ROBO1: variants seen among roughly 807,000 people sequenced by gnomAD.
The protein encoded by ROBO1 is roundabout guidance receptor 1.
In ROBO1, 149 loss-of-function variants were observed where a neutral mutation model predicts 195.9. The ratio of observed to expected loss-of-function variants is 0.76; its 90% CI spans 0.67 to 0.87. The LOEUF (loss-of-function observed/expected upper bound fraction) is 0.87. Ranked by LOEUF, ROBO1 falls within the 40% of genes least tolerant of loss-of-function variation. The pLI, the probability that ROBO1 is intolerant of heterozygous loss-of-function variation, is 0.00. For missense variants in ROBO1, 1,933 were observed against 2,068.3 expected (o/e 0.93, Z 1.27); for synonymous variants, 816 against 733.2 (o/e 1.11, Z -1.82).
At chr3:79,533,284 ATTTTC>A (rs1941731357) in intron 2 of ROBO1, among the ~76,000 whole-genome samples, 1 of 152,166 alleles carries the variant, frequency 6.6e-6, no homozygotes, top group African/African-American at 2.4e-5. Flanking sequence ...AGTACCTAGT[ATTTTC>A]TTTTGATTTA....
intron 8 of ROBO1, among the ~76,000 whole-genome samples, chr3:78,707,888 C>T (rs1372356644): frequency 1.3e-5 from 2 of 152,014 alleles, no homozygotes; most frequent in African/African-American, 2.4e-5. Context: ...GTGAGAGAGA[C>T]AAACAAAAAT....
intron 21 of ROBO1, among the ~76,000 whole-genome samples, chr3:78,642,493 C>T (rs1461797465): frequency 6.6e-6 from 1 of 152,166 alleles, no homozygotes; most frequent in African/African-American, 2.4e-5. Context: ...TAAAGAGAAG[C>T]AAAGGCTTGA....
At chr3:78,866,100 G>A (rs188025642) in intron 4 of ROBO1, among the ~76,000 whole-genome samples, 1 of 152,140 alleles carries the variant, frequency 6.6e-6, no homozygotes, top group Admixed American at 6.5e-5. Flanking sequence ...GTGCATGATG[G>A]AAAATAAACA....
intron 5 of ROBO1, among the ~76,000 whole-genome samples, chr3:78,723,584 A>G (rs1047926507): frequency 6.6e-6 from 1 of 152,012 alleles, no homozygotes; most frequent in South Asian, 2.1e-4. Flanking sequence ...AATGGAGGCA[A>G]TCACCCTTCC....
intron 4 of ROBO1, among the ~76,000 whole-genome samples, chr3:78,888,713 C>T (rs1486634436): frequency 1.3e-5 from 2 of 152,090 alleles, no homozygotes; most frequent in Non-Finnish European, 2.9e-5. Context: ...AAGCTTAGAT[C>T]AAGTTTGCAG....
intron 1 of ROBO1, among the ~76,000 whole-genome samples, chr3:79,680,336 G>A (rs764804902): frequency 6.6e-6 from 1 of 151,970 alleles, no homozygotes; most frequent in Non-Finnish European, 1.5e-5. Context: ...TAGTGACTAC[G>A]AGACAGTCAT....
chr3:79,694,728 C>G (rs1385373753), intron 1 of ROBO1, among the ~76,000 whole-genome samples: 4 of 151,638 alleles, frequency 2.6e-5, no homozygotes. Flanking sequence ...GTGTTGCTAG[C>G]AATGACATAT....
At chr3:78,730,444 AT>A (rs376612865) in intron 5 of ROBO1, among the ~76,000 whole-genome samples, 2 of 121,944 alleles carry the variant, frequency 1.6e-5, no homozygotes, top group African/African-American at 5.0e-5. Context: ...ACAGAAATGC[AT>A]TTTTTATTCA....
intron 22 of ROBO1, 32 bp from the exon 23 acceptor site, chr3:78,636,140 C>A (rs1282888511): frequency 1.1e-5 from 16 of 1,476,790 alleles, no homozygotes; most frequent in South Asian, 1.2e-5. Context: ...AGGAAAAAAT[C>A]ATTCTGCGTG....
intron 4 of ROBO1, among the ~76,000 whole-genome samples, chr3:78,751,481 G>C (rs1456999676): frequency 2.6e-5 from 4 of 152,132 alleles, no homozygotes. Flanking sequence ...GTAGGATGCA[G>C]TGGCCAAGCT....
chr3:79,154,654 A>G (rs78280889), intron 2 of ROBO1, among the ~76,000 whole-genome samples: 8,181 of 151,854 alleles, frequency 0.054, 291 homozygotes, highest in Middle Eastern at 0.099. Context: ...TCTTTTCCAC[A>G]GGCACTTTTA....
chr3:79,015,162 G>T (rs986010905), intron 3 of ROBO1, among the ~76,000 whole-genome samples: 1 of 151,948 alleles, frequency 6.6e-6, no homozygotes, highest in African/African-American at 2.4e-5. Context: ...AAGAAATAAA[G>T]ATATTTTAAA....
At chr3:79,513,176 T>C (rs1355206073) in intron 2 of ROBO1, among the ~76,000 whole-genome samples, 1 of 152,140 alleles carries the variant, frequency 6.6e-6, no homozygotes, top group East Asian at 1.9e-4. Context: ...GGAAGCCATT[T>C]TTAACTGTTC....
chr3:79,221,947 T>G (rs1304035946), intron 2 of ROBO1, among the ~76,000 whole-genome samples: 1 of 152,100 alleles, frequency 6.6e-6, no homozygotes, highest in African/African-American at 2.4e-5. Flanking sequence ...ACATATTAAT[T>G]CTAGTTCTAT....
At chr3:78,973,523 G>GCTATATATATATTATATATATAAGAAA (rs1170746138) in intron 3 of ROBO1, among the ~76,000 whole-genome samples, 159 of 138,980 alleles carry the variant, frequency 1.1e-3, no homozygotes, top group East Asian at 3.3e-3. Context: ...TATATAAGAA[G>GCTATATATATATTATATATATAAGAAA]CTATATATAA....
chr3:79,205,561 G>A (rs1464815401), intron 2 of ROBO1, among the ~76,000 whole-genome samples: 1 of 151,898 alleles, frequency 6.6e-6, no homozygotes, highest in Non-Finnish European at 1.5e-5. Flanking sequence ...TCTTTTTTCT[G>A]GTTATAGCCC....
intron 3 of ROBO1, among the ~76,000 whole-genome samples, chr3:79,011,273 T>C (rs1034806937): frequency 6.6e-6 from 1 of 152,190 alleles, no homozygotes; most frequent in African/African-American, 2.4e-5. Context: ...GCTATGCAAC[T>C]AAAAAGCGGA....
At chr3:79,705,125 G>T (rs944603801) in intron 1 of ROBO1, among the ~76,000 whole-genome samples, 1 of 151,732 alleles carries the variant, frequency 6.6e-6, no homozygotes, top group Admixed American at 6.6e-5. Context: ...CTTCCACTCT[G>T]TGGCTTGTCT....
chr3:79,362,515 A>G (rs188654298), intron 2 of ROBO1, among the ~76,000 whole-genome samples: 1 of 152,314 alleles, frequency 6.6e-6, no homozygotes, highest in East Asian at 1.9e-4. Context: ...ATTGAAAAGT[A>G]TCTCTCTAGA....
Sources: allele counts gnomAD v4.1 joint callset (sites outside exome capture counted in the v4.1 genomes callset), GRCh38; gene constraint gnomAD v4.1.1; transcripts MANE v1.5; gene names NCBI Gene and HGNC (gene_info 2026-07-23, HGNC 2026-07-21).